GANC: variants seen among roughly 807,000 people sequenced by gnomAD.
GANC encodes neutral alpha-glucosidase C.
Under a neutral mutation model 124.2 loss-of-function variants are expected in GANC, and 117 were observed. The ratio of observed to expected loss-of-function variants is 0.94; its 90% CI spans 0.81 to 1.10. The LOEUF (loss-of-function observed/expected upper bound fraction) is 1.10, where lower values mean the gene tolerates loss of function less well. Ranked by LOEUF, GANC falls within the 50% of genes least tolerant of loss-of-function variation. GANC has a pLI of 0.00. For missense variants in GANC, 1,140 were observed against 1,095.0 expected, an observed-to-expected ratio of 1.04 and a Z score of -0.58; for synonymous variants, 377 against 376.8, an observed-to-expected ratio of 1.00 and a Z score of -0.01.
At chr15:42,333,511 C>T (rs2052262280) in intron 15 of GANC, among the ~76,000 whole-genome samples, 1 of 152,064 alleles carries the variant, frequency 6.6e-6, no homozygotes, top group Non-Finnish European at 1.5e-5. Flanking sequence ...TATATAATCT[C>T]TCATCACAAA....
In GANC at chr15:42,310,730, A is replaced by G. The variant is rs1296649550; in HGVS notation, c.941A>G (p.Gln314Arg). 3.7e-6 allele frequency: 6 copies of G among 1,613,734 alleles called. No individual in the cohort carries two copies. The highest frequency in any genetic ancestry group is 2.7e-5 in the African/African-American group (2 of 75,066). ...LTQMGPVAAKQKVRSRTHVHW... is the reference protein window; with the variant it reads ...LTQMGPVAAKRKVRSRTHVHW... Reference sequence around the variant, plus strand: ...CAGATGGGCCCAGTTGCTGCTAAACAAAAGGTCAGATCTCGCACTCATGTG... The same window carrying G: ...CAGATGGGCCCAGTTGCTGCTAAACGAAAGGTCAGATCTCGCACTCATGTG... Residue 314 changes from glutamine (Q) to arginine (R), a missense_variant, in exon 10 of 24, where the codon CAA (glutamine) becomes CGA (arginine). Physicochemically the swap from Gln to Arg is conservative, Grantham distance 43 (BLOSUM62 1). Coordinates refer to ENST00000318010, the MANE Select transcript of GANC (RefSeq NM_198141.3).
chr15:42,301,516 C>A (rs1371268608), intron 6 of GANC, among the ~76,000 whole-genome samples: 2 of 151,976 alleles, frequency 1.3e-5, no homozygotes, highest in African/African-American at 4.8e-5. Context: ...TCTTCACTCC[C>A]CTGGAAAGGG....
rs748424941 is a variant in GANC at position 42,287,698 on chromosome 15, T to G, written c.209T>G (p.Leu70Arg). The change falls in exon 4 of 24, where the codon CTC becomes CGC. Residue 70 changes from leucine (L) to arginine (R), a missense_variant. Physicochemically the swap from Leu to Arg is moderately radical, Grantham distance 102. Transcript: ENST00000318010. ...QIINEASKVP[L>R]LAEIYGIEGN... ...TCTTGTATCTGTTTCCAGGTTCCTC[T>G]CCTGGCTGAAATTTATGGTATAGAA... The G allele has an allele frequency of 1.6e-5, 26 of 1,611,446 alleles. No individual in the cohort carries two copies. The South Asian group carries it at 2.9e-4, about 18-fold the overall frequency.
At chr15:42,296,358 C>G (rs2051891147) in intron 5 of GANC, among the ~76,000 whole-genome samples, 1 of 151,926 alleles carries the variant, frequency 6.6e-6, no homozygotes, top group Non-Finnish European at 1.5e-5. Flanking sequence ...TTAATCACTT[C>G]CTTGGGTTTG....
chr15:42,351,061 A>G (rs1404458946), intron 22 of GANC, among the ~76,000 whole-genome samples: 1 of 145,510 alleles, frequency 6.9e-6, no homozygotes, highest in Non-Finnish European at 1.5e-5. Context: ...TAGTATAGAC[A>G]GGATTTTGCC....
Position 42,287,730 on chromosome 15 carries a change from A to C in GANC, c.241A>C (p.Ile81Leu). 6.2e-7 allele frequency: 1 copy of C among 1,613,104 alleles called. No individual in the cohort carries two copies. The change falls in exon 4 of 24, where the codon ATT (isoleucine) becomes CTT (leucine). Residue 81 changes from isoleucine to leucine, a missense_variant. Physicochemically the swap from Ile to Leu is conservative, Grantham distance 5. Coordinates refer to ENST00000318010, the MANE Select transcript of GANC (RefSeq NM_198141.3). ...LAEIYGIEGN[I>L]FRLKINEETP... ...TGAAATTTATGGTATAGAAGGAAAC[A>C]TTTTCAGGCTTAAAATTAATGAAGA...
Position 42,352,094 on chromosome 15 carries a change from G to T in GANC, c.2700G>T (p.Lys900Asn). 1.9e-6 allele frequency: 3 copies of T among 1,614,170 alleles called. No homozygotes were observed. Among genetic ancestry groups the T allele is most frequent in the Non-Finnish European group, 2.5e-6 (3 of 1,180,010 alleles). Reference protein sequence around the residue: ...CAKTSILSLEKLSLNIATDWE... With the variant: ...CAKTSILSLENLSLNIATDWE... ...AAACATCCATCCTGAGCCTGGAGAA[G>T]CTCTCACTCAACATTGCCACTGACT... Residue 900 changes from lysine to asparagine, a missense_variant, in exon 24 of 24, where the codon AAG becomes AAT. Physicochemically the swap from Lys to Asn is moderately conservative, Grantham distance 94. Transcript: ENST00000318010.
chr15:42,324,838 T>G (rs1278075016), intron 11 of GANC, among the ~76,000 whole-genome samples: 1 of 152,190 alleles, frequency 6.6e-6, no homozygotes, highest in Non-Finnish European at 1.5e-5. Context: ...TATAAAGGTT[T>G]AGTTTTGCAA....
intron 3 of GANC, among the ~76,000 whole-genome samples, chr15:42,286,164 C>G (rs1038227331): frequency 2.0e-5 from 3 of 152,172 alleles, no homozygotes; most frequent in African/African-American, 7.2e-5. Context: ...CAAAGTCTTA[C>G]TAATTCCTGA....
intron 5 of GANC, among the ~76,000 whole-genome samples, chr15:42,296,019 C>G (rs1292680337): frequency 2.6e-5 from 4 of 151,772 alleles, no homozygotes; most frequent in Non-Finnish European, 5.9e-5. Flanking sequence ...TGGCATGTGC[C>G]TGTCGTTCCA....
At chr15:42,281,219 C>T (rs998527609) in intron 3 of GANC, 1 of 651,936 alleles carries the variant, frequency 1.5e-6, no homozygotes, top group Non-Finnish European at 2.8e-6. Flanking sequence ...GGGAGATCAC[C>T]CTGAAATTCT....
At chr15:42,297,571 C>A in intron 5 of GANC, 40 bp from the exon 6 acceptor site, 1 of 1,543,096 alleles carries the variant, frequency 6.5e-7, no homozygotes, top group Non-Finnish European at 8.9e-7. Flanking sequence ...TTCTGTCAGT[C>A]TTGCCATTGA....
intron 10 of GANC, among the ~76,000 whole-genome samples, chr15:42,313,226 AT>A (rs202040688): frequency 0.088 from 9,755 of 110,638 alleles, 402 homozygotes; most frequent in South Asian, 0.24. Context: ...AATATGTTAT[AT>A]GTGTATCATA....
At position 42,274,464 on chromosome 15, in the gene GANC, C is replaced by A; in HGVS notation, c.-18C>A. ...CTTGTCCTGAGAGCTGGGAGCTGGT[C>A]GGAGTGACAGAGAAGCCATGGAAGC... On this transcript the variant is annotated 5_prime_UTR_variant, in exon 1 of 24. It introduces an in-frame stop codon into an upstream open reading frame of the 5' UTR. Coordinates refer to ENST00000318010, the MANE Select transcript of GANC (RefSeq NM_198141.3). 2.5e-6 allele frequency: 4 copies of A among 1,609,322 alleles called. No individual in the cohort carries two copies. In the South Asian group the frequency reaches 4.5e-5, roughly 18 times the overall value.
At chr15:42,297,246 A>C (rs150422750) in intron 5 of GANC, among the ~76,000 whole-genome samples, 3 of 152,356 alleles carry the variant, frequency 2.0e-5, no homozygotes, top group African/African-American at 7.2e-5. Context: ...GAGTTAACAA[A>C]ATTAAAATAC....
At chr15:42,287,482 A>C (rs2051801199) in intron 3 of GANC, among the ~76,000 whole-genome samples, 1 of 152,194 alleles carries the variant, frequency 6.6e-6, no homozygotes, top group African/African-American at 2.4e-5. Context: ...GCCACAGAAC[A>C]CATAGGAGAT....
chr15:42,336,682 T>C (rs1014184140), intron 15 of GANC, among the ~76,000 whole-genome samples: 5 of 152,044 alleles, frequency 3.3e-5, no homozygotes, highest in Non-Finnish European at 5.9e-5. Flanking sequence ...AAACTGTCAA[T>C]AGAGTTAATA....
rs2052397868 is a variant in GANC at position 42,349,256 on chromosome 15, A to G, written c.2419-127A>G. 4.7e-6 allele frequency: 3 copies of G among 645,032 alleles called. No individual in the cohort carries two copies. In the South Asian group the frequency reaches 5.6e-5, roughly 12 times the overall value. The allele number at this position is 645,032 out of a possible 1,614,324, so 40.0% of individuals were successfully genotyped here. On this transcript the variant is annotated intron_variant, in intron 21 of 23. Transcript: ENST00000318010. ...GCTATTGAATATGTTAGGTATTTGTACGACTACTTTATATAGCTTGAATTT... is the reference window on the plus strand; with the variant it reads ...GCTATTGAATATGTTAGGTATTTGTGCGACTACTTTATATAGCTTGAATTT...
intron 15 of GANC, among the ~76,000 whole-genome samples, chr15:42,335,867 A>G (rs371766648): frequency 2.0e-5 from 3 of 152,280 alleles, no homozygotes; most frequent in East Asian, 3.9e-4. Context: ...CCCATTCACA[A>G]TTGCCTCAAA....
Sources: allele counts gnomAD v4.1 joint callset (sites outside exome capture counted in the v4.1 genomes callset), GRCh38; gene constraint gnomAD v4.1.1; transcripts MANE v1.5; gene names NCBI Gene and HGNC (gene_info 2026-07-23, HGNC 2026-07-21).